The following LENG8 variants were observed in gnomAD, a reference collection of about 807,000 sequenced individuals.
LENG8 encodes the protein leukocyte receptor cluster member 8.
Under a neutral mutation model 102.1 loss-of-function variants are expected in LENG8, and 28 were observed. The ratio of observed to expected loss-of-function variants is 0.27; its 90% CI spans 0.20 to 0.38. LENG8 has a LOEUF of 0.38. Ranked by LOEUF, LENG8 falls within the 10% of genes least tolerant of loss-of-function variation. The probability of loss-of-function intolerance (pLI) is 1.00; values close to 1 mark genes in which losing one functional copy is unlikely to be tolerated. For synonymous variants in LENG8, 531 were observed against 456.7 expected (o/e 1.16, Z -2.07); for missense variants, 1,022 against 1,113.9 (o/e 0.92, Z 1.17).
At chr19:54,460,705 T>A in intron 15 of LENG8, 61 bp from the exon 16 acceptor site, 4 of 1,446,102 alleles carry the variant, frequency 2.8e-6, no homozygotes, top group Non-Finnish European at 3.7e-6. Context: ...TCCCCGCTCG[T>A]GGGGCCCTCC....
rs1197514412 is a variant in LENG8 at position 54,461,148 on chromosome 19, G to A, written c.*220G>A. The A allele has an allele frequency of 6.7e-6, 5 of 746,082 alleles. No homozygotes were observed. Among genetic ancestry groups the A allele is most frequent in the Non-Finnish European group, 1.2e-5 (5 of 429,388 alleles). The allele number at this position is 746,082 out of a possible 1,614,324, so 46.2% of individuals were successfully genotyped here. ...CAGAGGGATGGGATTGGGGAGGAGG[G>A]GATGGGCAGCGGAGGGTTGGGGGCA... On this transcript the variant is annotated 3_prime_UTR_variant, in exon 16 of 16. Transcript: ENST00000326764.
At chr19:54,456,947 C>G in intron 11 of LENG8, 26 bp downstream of exon 11, 1 of 1,579,392 alleles carries the variant, frequency 6.3e-7, no homozygotes, top group East Asian at 2.3e-5. Context: ...GGCAGTTCTG[C>G]TCTGTGAGGC....
At position 54,460,753 on chromosome 19, in the gene LENG8, CTT is replaced by C. The variant is rs1173053182; in HGVS notation, c.2241-12_2241-11del. 2.4e-6 allele frequency: 3 copies of C among 1,237,232 alleles called. No homozygotes were observed. The highest frequency in any genetic ancestry group is 1.6e-5 in the African/African-American group (1 of 63,044). 76.6% of individuals were successfully genotyped at this position (1,237,232 alleles called of 1,614,324 possible). A position where few individuals can be genotyped will look rare whatever the true frequency, so the allele number is the denominator to read the frequency against. Reference sequence around the variant, plus strand: ...CCCGCCCGCCTCATCACCTTCTCCTCTTGTCTCCATAGCTTCCGCCCTGCGCT... The same window carrying C: ...CCCGCCCGCCTCATCACCTTCTCCTCGTCTCCATAGCTTCCGCCCTGCGCT... On this transcript the variant is annotated splice_polypyrimidine_tract_variant and intron_variant, in intron 15 of 15. Transcript: ENST00000326764.
chr19:54,450,011 C>T (rs1337967946), intron 1 of LENG8, among the ~76,000 whole-genome samples: 3 of 152,226 alleles, frequency 2.0e-5, no homozygotes, highest in African/African-American at 7.2e-5. Context: ...TCCGGTTCTC[C>T]TGCGGGATTA....
At chr19:54,451,966 A>G (rs749807046) in intron 2 of LENG8, 127 bp from the exon 3 acceptor site, 7 of 835,674 alleles carry the variant, frequency 8.4e-6, no homozygotes, top group African/African-American at 1.7e-5. Context: ...TACAGATTAG[A>G]AAACTTAGGC....
At chr19:54,458,264 G>A (rs1291860792) in intron 14 of LENG8, 32 bp downstream of exon 14, 3 of 1,613,796 alleles carry the variant, frequency 1.9e-6, no homozygotes, top group Non-Finnish European at 2.5e-6. Context: ...AGAGGCCATG[G>A]TACCCAGGGT....
intron 7 of LENG8, 68 bp from the exon 8 acceptor site, chr19:54,455,295 GT>G (rs2084166844): frequency 1.3e-6 from 2 of 1,564,756 alleles, no homozygotes; most frequent in East Asian, 4.5e-5. Context: ...TCAGCTCAGA[GT>G]GGCGGTGGGG....
Position 54,461,110 on chromosome 19 carries a change from T to G in LENG8, c.*182T>G, listed in dbSNP as rs1400787416. ...TCTGTACAGAGATTTTTCTACGTTT[T>G]TATTTTTTGCCTCAGAGGGATGGGA... On this transcript the variant is annotated 3_prime_UTR_variant, in exon 16 of 16. Transcript: ENST00000326764. 1 of 971,762 alleles carries G rather than the reference T, an allele frequency of 1.0e-6. No individual in the cohort carries two copies. The highest frequency in any genetic ancestry group is 1.4e-5 in the South Asian group (1 of 70,218). The allele number at this position is 971,762 out of a possible 1,614,324, so 60.2% of individuals were successfully genotyped here. A position where few individuals can be genotyped will look rare whatever the true frequency, so the allele number is the denominator to read the frequency against.
rs997709495 is a variant in LENG8 at position 54,454,611 on chromosome 19, C to A, written c.608C>A (p.Ala203Asp). 6.2e-7 allele frequency: 1 copy of A among 1,610,584 alleles called. No individual in the cohort carries two copies. The highest frequency in any genetic ancestry group is 8.5e-7 in the Non-Finnish European group (1 of 1,179,386). The change falls in exon 6 of 16, where the codon GCC (alanine) becomes GAC (aspartate). Residue 203 changes from alanine to aspartate, a missense_variant. By Grantham distance (126) the Ala-to-Asp change is moderately radical. Around this residue, in one of 7 missense-constraint regions of LENG8, gnomAD observed 343 missense variants for 320.2 expected, o/e 1.07. Transcript: ENST00000326764. ...CAGGCGGGGCCCGCCACGGGCCAGG[C>A]CTATGGGCCACACACCTACACCGAA... Reference protein sequence around the residue: ...HSQAGPATGQAYGPHTYTEPA... With the variant: ...HSQAGPATGQDYGPHTYTEPA...
At chr19:54,454,886 C>T (rs748350564) in intron 6 of LENG8, 65 bp from the exon 7 acceptor site, 320 of 1,600,324 alleles carry the variant, frequency 2.0e-4, no homozygotes, top group Non-Finnish European at 2.5e-4. Context: ...CACTTCCTCC[C>T]GTCCCCTGGG....
chr19:54,452,796 T>C lies in LENG8; in HGVS notation c.315+44T>C, dbSNP rs764694020. 26 of 1,446,698 alleles carry C rather than the reference T, an allele frequency of 1.8e-5. No homozygotes were observed. In the East Asian group the frequency reaches 5.2e-4, roughly 29 times the overall value. The allele number at this position is 1,446,698 out of a possible 1,614,324, so 89.6% of individuals were successfully genotyped here. A position where few individuals can be genotyped will look rare whatever the true frequency, so the allele number is the denominator to read the frequency against. ...GGGCGGGGCAGGGCGAGGTGGAGTCTGCTGGGTCGGGGCGAGGTGAAGTGG... is the reference window on the plus strand; with the variant it reads ...GGGCGGGGCAGGGCGAGGTGGAGTCCGCTGGGTCGGGGCGAGGTGAAGTGG... On this transcript the variant is annotated intron_variant, in intron 4 of 15. Coordinates refer to ENST00000326764, the MANE Select transcript of LENG8 (RefSeq NM_052925.4).
chr19:54,449,282 C>T lies in LENG8; in HGVS notation c.-84C>T, dbSNP rs114844587. ...TGCTGATCGCCTGGGTGGTTGTTGGCGTGTCCCTGCAGCGAAGGATCCTGG... is the reference window on the plus strand; with the variant it reads ...TGCTGATCGCCTGGGTGGTTGTTGGTGTGTCCCTGCAGCGAAGGATCCTGG... On this transcript the variant is annotated 5_prime_UTR_variant, in exon 1 of 16. Coordinates refer to ENST00000326764, the MANE Select transcript of LENG8 (RefSeq NM_052925.4). 5,655 of 152,490 alleles carry T rather than the reference C, an allele frequency of 0.037. 218 individuals carry two copies. Among genetic ancestry groups the T allele is most frequent in the African/African-American group, 0.094 (3,906 of 41,526 alleles). 9.4% of individuals were successfully genotyped at this position (152,490 alleles called of 1,614,324 possible). A position where few individuals can be genotyped will look rare whatever the true frequency, so the allele number is the denominator to read the frequency against.
rs1220659100 is a variant in LENG8 at position 54,454,430 on chromosome 19, C to G, written c.427C>G (p.Pro143Ala). 1 of 1,597,500 alleles carries G rather than the reference C, an allele frequency of 6.3e-7. No individual in the cohort carries two copies. The highest frequency in any genetic ancestry group is 1.3e-5 in the African/African-American group (1 of 74,534). Residue 143 changes from proline (P) to alanine (A), a missense_variant and splice_region_variant, in exon 6 of 16, where the codon CCC becomes GCC. Physicochemically the swap from Pro to Ala is conservative, Grantham distance 27. Coordinates refer to ENST00000326764, the MANE Select transcript of LENG8 (RefSeq NM_052925.4). The stretch of plus-strand genomic sequence containing the variant: ...GCTCAGCGCCTGCTTCCTTCTGCAG[C>G]CCCCAGTCCCCGGCATGGATGAGAG... ...APQHQGTLNQPPVPGMDESMS... is the reference protein window; with the variant it reads ...APQHQGTLNQAPVPGMDESMS...
Position 54,460,286 on chromosome 19 carries a change from T to C in LENG8, c.2241-480T>C, listed in dbSNP as rs1433976805. 13 of 1,263,450 alleles carry C rather than the reference T, an allele frequency of 1.0e-5. No homozygotes were observed. In the South Asian group the frequency reaches 1.3e-4, roughly 12 times the overall value. The allele number at this position is 1,263,450 out of a possible 1,614,324, so 78.3% of individuals were successfully genotyped here. A position where few individuals can be genotyped will look rare whatever the true frequency, so the allele number is the denominator to read the frequency against. ...TAGATGCTCAGTCAGTAGTGTGTTT[T>C]AGCAGCAGCCGGAAGTGACTGCTTT... On this transcript the variant is annotated intron_variant, in intron 15 of 15. Coordinates refer to ENST00000326764, the MANE Select transcript of LENG8 (RefSeq NM_052925.4).
At chr19:54,454,757 G>C in intron 6 of LENG8, 75 bp downstream of exon 6, 1 of 1,487,796 alleles carries the variant, frequency 6.7e-7, no homozygotes, top group Non-Finnish European at 9.0e-7. Flanking sequence ...GGCCCGTGGT[G>C]TGTGCTGCTC....
Position 54,458,135 on chromosome 19 carries a change from G to C in LENG8, c.1935G>C (p.Thr645=), listed in dbSNP as rs375131539. The C allele has an allele frequency of 1.2e-6, 2 of 1,613,794 alleles. No individual in the cohort carries two copies. The highest frequency in any genetic ancestry group is 1.7e-6 in the Non-Finnish European group (2 of 1,180,046). ...GDHEEFNQCQ[T]QLKSLYAENL... is the part of the protein sequence containing the mutation. ...ATGAAGAGTTTAACCAGTGCCAGAC[G>C]CAGCTCAAGTCGCTGTACGCCGAGA... is the stretch of plus-strand genomic sequence containing the variant. The change falls in exon 14 of 16, where the codon ACG becomes ACC. Residue 645 remains threonine (T), a synonymous_variant. Coordinates refer to ENST00000326764, the MANE Select transcript of LENG8 (RefSeq NM_052925.4).
rs372135883 is a variant in LENG8, at chr19:54,457,800, C to T, written c.1785C>T (p.Asp595=). 1.6e-5 allele frequency: 26 copies of T among 1,614,164 alleles called. No individual in the cohort carries two copies. In the African/African-American group the frequency reaches 3.5e-4, roughly 22 times the overall value. ...MVKCHWKEKQ[D]YAFACEQMKS... ...AGTGCCACTGGAAAGAGAAGCAGGA[C>T]TACGCGTTTGCCTGCGAGCAGATGA... Residue 595 remains aspartate, a synonymous_variant, in exon 12 of 16, where the codon GAC becomes GAT. Coordinates refer to ENST00000326764, the MANE Select transcript of LENG8 (RefSeq NM_052925.4).
At chr19:54,460,377 G>A in intron 15 of LENG8, 1 of 1,205,760 alleles carries the variant, frequency 8.3e-7, no homozygotes, top group Admixed American at 3.6e-5. Context: ...GTAACGCAGG[G>A]CAGGGGAGGC....
intron 11 of LENG8, 24 bp from the exon 12 acceptor site, chr19:54,457,723 T>C (rs1411975051): frequency 6.5e-7 from 1 of 1,540,010 alleles, no homozygotes; most frequent in Non-Finnish European, 9.0e-7. Flanking sequence ...GTACTCCGAG[T>C]GTGAATTCAG....
Sources: gnomAD v4.1 joint callset for allele counts (sites outside exome capture counted in the v4.1 genomes callset) on GRCh38, gnomAD v4.1.1 for gene constraint, gnomAD v4.1.1 regional missense constraint, MANE v1.5 for transcripts, NCBI Gene and HGNC (gene_info 2026-07-23, HGNC 2026-07-21) for gene names.